Variants in TBXAS1 observed in about 807,000 individuals in gnomAD.
The protein encoded by TBXAS1 is thromboxane A synthase 1, also known as thromboxane-A synthase.
Under a neutral mutation model 60.7 loss-of-function variants are expected in TBXAS1, and 48 were observed. The observed-to-expected ratio is 0.79, with a 90% CI of 0.63 to 1.01. TBXAS1 has a LOEUF of 1.01. Among genes scored for constraint, TBXAS1 ranks in the 50% least tolerant of loss-of-function variants. The pLI, the probability that TBXAS1 is intolerant of heterozygous loss-of-function variation, is 0.00. For missense variants in TBXAS1, 685 were observed against 686.3 expected, an observed-to-expected ratio of 1.00 and a Z score of 0.02; for synonymous variants, 287 against 269.7, an observed-to-expected ratio of 1.06 and a Z score of -0.63.
Position 139,978,936 on chromosome 7 carries a change from C to T in TBXAS1, c.1134+16703C>T, listed in dbSNP as rs1811767236. On this transcript the variant is annotated intron_variant, in intron 9 of 12. Transcript: ENST00000448866. ...TGCCACTGCACTCTAGCATGGGCGACAAAACAATAGTCTTGTCTCAAAAAA... is the reference window on the plus strand; with the variant it reads ...TGCCACTGCACTCTAGCATGGGCGATAAAACAATAGTCTTGTCTCAAAAAA... 2.6e-5 allele frequency among the ~76,000 whole-genome samples: 4 copies of T among 152,182 alleles called. No homozygotes were observed. The South Asian group carries it at 6.2e-4, about 24-fold the overall frequency.
In TBXAS1 at chr7:139,860,458, G is replaced by A. The variant is rs1800884127; in HGVS notation, c.90-11777G>A. Reference sequence around the variant, plus strand: ...CTAAAATGTCGATGTCCTAGCCTCTGGAACTTGTGAATGCAACCTTAGATG... The same window carrying A: ...CTAAAATGTCGATGTCCTAGCCTCTAGAACTTGTGAATGCAACCTTAGATG... On this transcript the variant is annotated intron_variant, in intron 1 of 12. Transcript: ENST00000448866. Among the ~76,000 whole-genome samples the A allele has an allele frequency of 2.0e-5, 3 of 152,320 alleles. No individual in the cohort carries two copies. The South Asian group carries it at 6.2e-4, about 32-fold the overall frequency.
chr7:139,974,928 G>C (rs1030318765), intron 9 of TBXAS1, among the ~76,000 whole-genome samples: 3 of 152,210 alleles, frequency 2.0e-5, no homozygotes, highest in Non-Finnish European at 2.9e-5. Flanking sequence ...GGATTAGTCA[G>C]GGATCTCCAG....
At chr7:139,794,826 C>T (rs1158616152) in intron 4 of TBXAS1, among the ~76,000 whole-genome samples, 19 of 150,950 alleles carry the variant, frequency 1.3e-4, no homozygotes, top group African/African-American at 3.4e-4. Context: ...CATCCATGTC[C>T]CTACAAAGGA....
chr7:139,913,727 A>G (rs1407547933), intron 4 of TBXAS1: 1 of 152,790 alleles, frequency 6.5e-6, no homozygotes, highest in Admixed American at 6.5e-5. Context: ...CAGTGCCCCA[A>G]ACTCCAGAGT....
chr7:139,946,082 C>A (rs740148), intron 5 of TBXAS1, among the ~76,000 whole-genome samples: 113,553 of 152,088 alleles, frequency 0.75, 42,413 homozygotes, highest in Admixed American at 0.79. Context: ...CCTGTAATCC[C>A]AGAACTTCAA....
chr7:139,860,156 A>T (rs1185505087), intron 1 of TBXAS1, among the ~76,000 whole-genome samples: 1 of 152,102 alleles, frequency 6.6e-6, no homozygotes, highest in Non-Finnish European at 1.5e-5. Flanking sequence ...CAACAAAACT[A>T]AAGAATATGT....
chr7:139,858,614 CTGG>C (rs1800747832), intron 1 of TBXAS1, among the ~76,000 whole-genome samples: 1 of 152,210 alleles, frequency 6.6e-6, no homozygotes, highest in Non-Finnish European at 1.5e-5. Flanking sequence ...CTGCAGCATC[CTGG>C]TACCCGGAAC....
chr7:139,824,890 C>T (rs541645339), upstream of TBXAS1, among the ~76,000 whole-genome samples: 6 of 140,588 alleles, frequency 4.3e-5, no homozygotes, highest in South Asian at 6.6e-4. Flanking sequence ...AGTGCAATGG[C>T]GTGATCTTGG....
At chr7:139,815,992 G>T (rs1220722078) in intron 4 of TBXAS1, among the ~76,000 whole-genome samples, 2 of 152,210 alleles carry the variant, frequency 1.3e-5, no homozygotes, top group African/African-American at 4.8e-5. Context: ...ATCCCCACTT[G>T]TCAAGGGAGG....
intron 9 of TBXAS1, among the ~76,000 whole-genome samples, chr7:139,991,102 C>A (rs1252180739): frequency 2.0e-5 from 3 of 152,226 alleles, no homozygotes; most frequent in Non-Finnish European, 4.4e-5. Context: ...GCAGAAACCA[C>A]AGAGAGCGTG....
chr7:139,961,896 A>C (rs1239856366), intron 8 of TBXAS1, 23 bp from the exon 9 acceptor site: 1 of 1,614,088 alleles, frequency 6.2e-7, no homozygotes, highest in Admixed American at 1.7e-5. Flanking sequence ...CAAAATGTGC[A>C]TTTTTCTCCT....
At chr7:139,959,843 T>C (rs1810188585) in intron 8 of TBXAS1, among the ~76,000 whole-genome samples, 1 of 152,182 alleles carries the variant, frequency 6.6e-6, no homozygotes, top group Admixed American at 6.5e-5. Context: ...TCTGGGGTCC[T>C]GTGCTGGTGT....
intron 12 of TBXAS1, among the ~76,000 whole-genome samples, chr7:140,019,648 G>A (rs571694999): frequency 5.3e-5 from 8 of 152,164 alleles, no homozygotes; most frequent in South Asian, 2.1e-4. Flanking sequence ...CCAACTCCTC[G>A]AGTAATTCTT....
rs759019222 is a variant in TBXAS1, at chr7:140,015,799, G to A, written c.1303G>A (p.Val435Met). 26 of 1,613,654 alleles carry A rather than the reference G, an allele frequency of 1.6e-5. No homozygotes were observed. The highest frequency in any genetic ancestry group is 2.2e-5 in the East Asian group (1 of 44,890). Residue 435 changes from valine to methionine, a missense_variant, in exon 11 of 13, where the codon GTG (valine) becomes ATG (methionine). Transcript: ENST00000448866. The stretch of plus-strand genomic sequence containing the variant: ...CGCAGGCGCTGTGCTAGAGATGGCC[G>A]TGGGTGCCCTGCACCATGACCCTGA... ...IPAGAVLEMA[V>M]GALHHDPEHW...
intron 1 of TBXAS1, among the ~76,000 whole-genome samples, chr7:139,831,781 A>G (rs879637065): frequency 6.6e-6 from 1 of 152,102 alleles, no homozygotes; most frequent in Non-Finnish European, 1.5e-5. Context: ...AAAATACAAA[A>G]ATTAGCTGGG....
chr7:139,893,264 G>A (rs1427355401), intron 3 of TBXAS1, among the ~76,000 whole-genome samples: 1 of 150,516 alleles, frequency 6.6e-6, no homozygotes, highest in African/African-American at 2.4e-5. Context: ...CATCATTTGG[G>A]GAGAGATGAT....
chr7:139,829,349 G>T lies in TBXAS1; in HGVS notation c.-42G>T, dbSNP rs993562341. 1 of 1,591,960 alleles carries T rather than the reference G, an allele frequency of 6.3e-7. No individual in the cohort carries two copies. The highest frequency in any genetic ancestry group is 8.6e-7 in the Non-Finnish European group (1 of 1,163,484). On this transcript the variant is annotated 5_prime_UTR_variant, in exon 1 of 13. Transcript: ENST00000448866. Reference sequence around the variant, plus strand: ...ATAAGGGCGGCGAGATCAGCCTCCTGTCTCATCTGGAAGACCACCACTCTG... The same window carrying T: ...ATAAGGGCGGCGAGATCAGCCTCCTTTCTCATCTGGAAGACCACCACTCTG...
chr7:139,789,778 CT>C (rs1403711768), intron 4 of TBXAS1, among the ~76,000 whole-genome samples: 1 of 151,986 alleles, frequency 6.6e-6, no homozygotes, highest in African/African-American at 2.4e-5. Context: ...TCACAGGTGC[CT>C]GCCACCACAC....
intron 1 of TBXAS1, among the ~76,000 whole-genome samples, chr7:139,779,584 G>T (rs1271972508): frequency 1.3e-5 from 2 of 152,144 alleles, no homozygotes; most frequent in Non-Finnish European, 2.9e-5. Flanking sequence ...CCACTCTAGT[G>T]TTTTTTGCTC....
Sources: allele counts gnomAD v4.1 joint callset (sites outside exome capture counted in the v4.1 genomes callset), GRCh38; gene constraint gnomAD v4.1.1; transcripts MANE v1.5; gene names NCBI Gene and HGNC (gene_info 2026-07-23, HGNC 2026-07-21).